Variants in RNF145 observed in about 807,000 individuals in gnomAD.
RNF145 encodes the protein ring finger protein 145.
Under a neutral mutation model 57.3 loss-of-function variants are expected in RNF145, and 12 were observed. The ratio of observed to expected loss-of-function variants is 0.21; its 90% CI spans 0.13 to 0.34. The LOEUF (loss-of-function observed/expected upper bound fraction) is 0.34. RNF145 is among the 10% of genes least tolerant of loss of function. The probability of loss-of-function intolerance (pLI) is 1.00; values close to 1 mark genes in which losing one functional copy is unlikely to be tolerated. For synonymous variants in RNF145, 262 were observed against 288.3 expected (o/e 0.91, Z 0.92); for missense variants, 429 against 799.0 (o/e 0.54, Z 5.58).
At chr5:159,173,728 T>C (rs1435605253) in intron 6 of RNF145, among the ~76,000 whole-genome samples, 1 of 152,200 alleles carries the variant, frequency 6.6e-6, no homozygotes, top group Non-Finnish European at 1.5e-5. Context: ...AAAATACTTT[T>C]ACGATTTGCT....
intron 7 of RNF145, among the ~76,000 whole-genome samples, 157 bp downstream of exon 7, chr5:159,169,520 ATT>A (rs1291234201): frequency 6.6e-6 from 1 of 152,228 alleles, no homozygotes; most frequent in East Asian, 1.9e-4. Context: ...ATGGAAATGT[ATT>A]TTTTCATAGT....
At chr5:159,208,129 C>T in intron 1 of RNF145, 2 of 1,433,118 alleles carry the variant, frequency 1.4e-6, no homozygotes, top group Non-Finnish European at 1.8e-6. Context: ...GCACCTCCTC[C>T]CACAACGCCT....
rs1211592847 is a variant in RNF145, at chr5:159,173,969, C to T, written c.797+14G>A. On this transcript the variant is annotated intron_variant, in intron 6 of 10. Coordinates refer to ENST00000424310, the MANE Select transcript of RNF145 (RefSeq NM_001199383.2). ...CTAAGGTTATATATAGTATCATAGG[C>T]TCTTATTAATTACCTTGTCAGAAAA... 1 of 1,586,430 alleles carries T rather than the reference C, an allele frequency of 6.3e-7. No individual in the cohort carries two copies. The highest frequency in any genetic ancestry group is 1.4e-5 in the African/African-American group (1 of 73,454).
At chr5:159,204,782 C>A (rs899776104) in intron 1 of RNF145, among the ~76,000 whole-genome samples, 12 of 109,396 alleles carry the variant, frequency 1.1e-4, no homozygotes, top group Non-Finnish European at 5.0e-5. Flanking sequence ...CCAGCCTAGG[C>A]AACTGAGCTA....
At chr5:159,176,350 G>C (rs1447889793) in intron 5 of RNF145, among the ~76,000 whole-genome samples, 1 of 152,060 alleles carries the variant, frequency 6.6e-6, no homozygotes, top group Admixed American at 6.6e-5. Context: ...TTTACAGAAA[G>C]TAACGCAATT....
chr5:159,166,903 T>C (rs1278496702), intron 8 of RNF145, among the ~76,000 whole-genome samples: 3 of 152,258 alleles, frequency 2.0e-5, no homozygotes, highest in African/African-American at 7.2e-5. Context: ...GCAGGAGGAC[T>C]GCTTGAGCCC....
At chr5:159,189,585 C>T (rs1249488469) in intron 3 of RNF145, among the ~76,000 whole-genome samples, 2 of 152,198 alleles carry the variant, frequency 1.3e-5, no homozygotes, top group South Asian at 2.1e-4. Context: ...TCAGCAATTC[C>T]ACTCCGAGGT....
chr5:159,177,483 T>C (rs1384697928), intron 4 of RNF145, among the ~76,000 whole-genome samples: 1 of 152,058 alleles, frequency 6.6e-6, no homozygotes, highest in East Asian at 1.9e-4. Context: ...CTCAGTCTCT[T>C]ATAATCCCAC....
chr5:159,173,913 C>G (rs2060211), intron 6 of RNF145, 70 bp downstream of exon 6: 78,965 of 1,079,240 alleles, frequency 0.073, 3,078 homozygotes, highest in Middle Eastern at 0.11. Flanking sequence ...ATCTGCAAAA[C>G]TTACTATTCC....
At chr5:159,201,657 C>G (rs1024409656) in intron 2 of RNF145, among the ~76,000 whole-genome samples, 1 of 152,066 alleles carries the variant, frequency 6.6e-6, no homozygotes, top group East Asian at 1.9e-4. Flanking sequence ...ACATCACAAA[C>G]AAAAACCATG....
chr5:159,209,245 T>C lies in RNF145; in HGVS notation c.-54A>G. The C allele has an allele frequency of 1.0e-6, 1 of 984,896 alleles. No homozygotes were observed. Among genetic ancestry groups the C allele is most frequent in the Non-Finnish European group, 1.2e-6 (1 of 829,604 alleles). The allele number at this position is 984,896 out of a possible 1,614,324, so 61.0% of individuals were successfully genotyped here. ...GGCGTGGTCACCTCAGGCTGCGGAC[T>C]CCCTCCCTGGGGAGCGGCGCTGCCG... is the stretch of plus-strand genomic sequence containing the variant. On this transcript the variant is annotated 5_prime_UTR_variant, in exon 1 of 11. Coordinates refer to ENST00000424310, the MANE Select transcript of RNF145 (RefSeq NM_001199383.2).
chr5:159,186,110 G>A (rs1242714628), intron 3 of RNF145, among the ~76,000 whole-genome samples: 7 of 152,096 alleles, frequency 4.6e-5, no homozygotes, highest in South Asian at 2.1e-4. Context: ...CTATAGTCCC[G>A]GCTACTTGGG....
intron 10 of RNF145, among the ~76,000 whole-genome samples, chr5:159,159,784 T>C (rs2113067061): frequency 6.6e-6 from 1 of 152,310 alleles, no homozygotes; most frequent in South Asian, 2.1e-4. Context: ...ATAAGATATA[T>C]ATGAAGAGAG....
intron 9 of RNF145, 81 bp from the exon 10 acceptor site, chr5:159,161,703 T>C (rs1784222650): frequency 1.2e-6 from 1 of 811,416 alleles, no homozygotes; most frequent in Admixed American, 2.6e-5. Flanking sequence ...CAATAACACA[T>C]TCCTGATGTT....
chr5:159,192,658 A>T (rs1303662258), intron 3 of RNF145, among the ~76,000 whole-genome samples: 1 of 152,234 alleles, frequency 6.6e-6, no homozygotes, highest in Non-Finnish European at 1.5e-5. Flanking sequence ...CTGTGGTAAG[A>T]GCTTTATATA....
chr5:159,182,108 AAT>A, intron 3 of RNF145, 57 bp from the exon 4 acceptor site: 1 of 1,050,672 alleles, frequency 9.5e-7, no homozygotes, highest in East Asian at 2.4e-5. Flanking sequence ...GCGGAATCAC[AAT>A]ATGCTTATAA....
intron 1 of RNF145, chr5:159,207,452 G>A (rs1785932493): frequency 6.8e-7 from 1 of 1,474,854 alleles, no homozygotes; most frequent in Non-Finnish European, 9.1e-7. Context: ...CCCTAAAAAA[G>A]AAAAACAAAA....
At chr5:159,190,285 T>C (rs904181289) in intron 3 of RNF145, among the ~76,000 whole-genome samples, 1 of 152,222 alleles carries the variant, frequency 6.6e-6, no homozygotes, top group African/African-American at 2.4e-5. Context: ...CCGCCTGCCT[T>C]GGCCTCCCAA....
intron 8 of RNF145, among the ~76,000 whole-genome samples, chr5:159,167,646 T>C (rs1236450139): frequency 6.6e-6 from 1 of 152,206 alleles, no homozygotes; most frequent in Non-Finnish European, 1.5e-5. Flanking sequence ...GGCTATTTAA[T>C]TGCGCTCACC....
Sources: gnomAD v4.1 joint callset for allele counts (sites outside exome capture counted in the v4.1 genomes callset) on GRCh38, gnomAD v4.1.1 for gene constraint, MANE v1.5 for transcripts, NCBI Gene and HGNC (gene_info 2026-07-23, HGNC 2026-07-21) for gene names.